ABR: variants seen among roughly 807,000 people sequenced by gnomAD.
The protein encoded by ABR is ABR activator of RhoGEF and GTPase.
ABR carries 35 observed loss-of-function variants against 107.2 expected under a neutral mutation model. The ratio of observed to expected loss-of-function variants is 0.33; its 90% CI spans 0.25 to 0.43. The LOEUF (loss-of-function observed/expected upper bound fraction) is 0.43. ABR is among the 20% of genes least tolerant of loss of function. ABR has a pLI of 1.00. For missense variants in ABR, 815 were observed against 1,115.2 expected (o/e 0.73, Z 3.83); for synonymous variants, 498 against 462.0 (o/e 1.08, Z -1.00).
intron 1 of ABR, among the ~76,000 whole-genome samples, chr17:1,138,721 C>G (rs2040178080): frequency 6.6e-6 from 1 of 152,030 alleles, no homozygotes. Context: ...TCAAAGAGTC[C>G]TCCACTTTGG....
intron 16 of ABR, among the ~76,000 whole-genome samples, chr17:1,042,324 A>G (rs2921134): frequency 0.9 from 135,777 of 150,204 alleles, 61,425 homozygotes; most frequent in East Asian, 1. Flanking sequence ...CTACATCCAC[A>G]AACGGATGAA....
chr17:1,076,714 C>CGGGGGGGGGG (rs376868048), intron 6 of ABR, among the ~76,000 whole-genome samples: 2 of 42,172 alleles, frequency 4.7e-5, no homozygotes, highest in Admixed American at 2.6e-4. Context: ...GGCAGGTGCA[C>CGGGGGGGGGG]GGGGGGGGTG....
chr17:1,028,552 G>T (rs565228085), intron 16 of ABR, among the ~76,000 whole-genome samples: 1 of 152,154 alleles, frequency 6.6e-6, no homozygotes, highest in Non-Finnish European at 1.5e-5. Flanking sequence ...TCTCCACCCC[G>T]CCCTTCCTCA....
chr17:1,182,612 C>G (rs1054652412), upstream of ABR, among the ~76,000 whole-genome samples: 1 of 152,134 alleles, frequency 6.6e-6, no homozygotes, highest in African/African-American at 2.4e-5. Context: ...GTGATCCGCC[C>G]GCCTCGGCCT....
At position 1,194,859 on chromosome 17, in the gene ABR, G is replaced by T. The variant is rs186851154; in HGVS notation, c.838+33934C>A. ...GTAGAGACAGGGTTTCGCCATGTTG[G>T]CCAGACTGGTCTCGAACTCCTGACT... is the stretch of plus-strand genomic sequence containing the variant. On this transcript the variant is annotated intron_variant, in intron 1 of 22. Coordinates refer to the ABR transcript ENST00000574139. 2.1e-4 allele frequency among the ~76,000 whole-genome samples: 26 copies of T among 124,616 alleles called. 5 individuals are homozygous for T. The East Asian group carries it at 9.3e-3, about 45-fold the overall frequency. 81.8% of individuals were successfully genotyped at this position (124,616 alleles called of 152,430 possible). A position where few individuals can be genotyped will look rare whatever the true frequency, so the allele number is the denominator to read the frequency against.
At chr17:1,060,373 G>A (rs965013049) in intron 10 of ABR, among the ~76,000 whole-genome samples, 2 of 152,084 alleles carry the variant, frequency 1.3e-5, no homozygotes, top group Non-Finnish European at 2.9e-5. Context: ...TCTCACCAGT[G>A]CACTCCAGCC....
chr17:1,059,772 G>A (rs2033721285), intron 10 of ABR, among the ~76,000 whole-genome samples: 1 of 152,224 alleles, frequency 6.6e-6, no homozygotes, highest in Non-Finnish European at 1.5e-5. Context: ...AAGCTCCTCA[G>A]TTAGAATTCA....
chr17:1,056,335 G>T (rs187278437), intron 13 of ABR, among the ~76,000 whole-genome samples: 3 of 152,130 alleles, frequency 2.0e-5, no homozygotes, highest in African/African-American at 7.2e-5. Flanking sequence ...AGCCTGGGGG[G>T]GTCCAGCACA....
intron 2 of ABR, among the ~76,000 whole-genome samples, chr17:1,113,277 GATTTTTTTTTTTT>G (rs2038807394): frequency 3.4e-5 from 3 of 88,210 alleles, no homozygotes; most frequent in East Asian, 3.3e-4. Flanking sequence ...CACCTATTGC[GATTTTTTTTTTTT>G]TTTTTTTTTT....
intron 16 of ABR, among the ~76,000 whole-genome samples, chr17:1,017,538 C>T (rs563644402): frequency 2.3e-4 from 33 of 143,274 alleles, no homozygotes; most frequent in African/African-American, 6.8e-4. Flanking sequence ...GGTGTGATCT[C>T]GGCTGACTGC....
intron 12 of ABR, 78 bp downstream of exon 12, chr17:1,057,892 C>G (rs2033517659): frequency 1.5e-6 from 2 of 1,329,540 alleles, no homozygotes; most frequent in Non-Finnish European, 2.2e-6. Flanking sequence ...TGATACTGGA[C>G]ATGAAACGCT....
At chr17:1,204,768 T>C (rs1012754791) in intron 1 of ABR, among the ~76,000 whole-genome samples, 2 of 152,312 alleles carry the variant, frequency 1.3e-5, no homozygotes, top group East Asian at 1.9e-4. Flanking sequence ...TGTTAGTATT[T>C]AGGTTTGTGT....
At chr17:1,073,473 G>C in intron 7 of ABR, 152 bp downstream of exon 7, 1 of 575,722 alleles carries the variant, frequency 1.7e-6, no homozygotes, top group South Asian at 6.1e-5. Flanking sequence ...TGGCGGCATG[G>C]ATACCGCGGG....
rs141256668 is a variant in ABR at position 1,098,266 on chromosome 17, C to T, written c.345+2371G>A. Among the ~76,000 whole-genome samples the T allele has an allele frequency of 4.7e-3, 708 of 151,918 alleles. 5 individuals carry two copies. Among genetic ancestry groups the T allele is most frequent in the African/African-American group, 0.016 (673 of 41,398 alleles). On this transcript the variant is annotated intron_variant, in intron 3 of 22. Coordinates refer to ENST00000302538, the MANE Select transcript of ABR (RefSeq NM_021962.5). ...TTTTTTTGTACTTTTTTAGTAGAGACGGGGTTTCACCGTGTTGGCCAAGGA... is the reference window on the plus strand; with the variant it reads ...TTTTTTTGTACTTTTTTAGTAGAGATGGGGTTTCACCGTGTTGGCCAAGGA...
At chr17:1,021,158 A>C (rs1281796790) in intron 16 of ABR, among the ~76,000 whole-genome samples, 1 of 152,146 alleles carries the variant, frequency 6.6e-6, no homozygotes, top group Non-Finnish European at 1.5e-5. Context: ...TGGGGGTCTC[A>C]GTGGAGGGGG....
intron 10 of ABR, among the ~76,000 whole-genome samples, chr17:1,066,540 T>TC (rs1447962463): frequency 2.0e-5 from 3 of 152,104 alleles, no homozygotes; most frequent in African/African-American, 7.2e-5. Flanking sequence ...ACTTTTTTTT[T>TC]TTGTTTTTGA....
chr17:1,102,278 G>A (rs534073832), intron 2 of ABR, among the ~76,000 whole-genome samples: 26 of 152,282 alleles, frequency 1.7e-4, no homozygotes, highest in Non-Finnish European at 2.9e-4. Flanking sequence ...CTGAGGCATC[G>A]TGGCCACAGA....
At chr17:1,182,083 C>G (rs1004962424), upstream of ABR, among the ~76,000 whole-genome samples, 1 of 152,190 alleles carries the variant, frequency 6.6e-6, no homozygotes, top group African/African-American at 2.4e-5. Flanking sequence ...AATCCTGGCA[C>G]TCTCGGACCC....
intron 1 of ABR, among the ~76,000 whole-genome samples, chr17:1,178,911 G>C (rs907431665): frequency 1.3e-5 from 2 of 151,968 alleles, no homozygotes; most frequent in African/African-American, 4.8e-5. Flanking sequence ...ACCATTACCC[G>C]TGATCAGTTA....
Sources: allele counts gnomAD v4.1 joint callset (sites outside exome capture counted in the v4.1 genomes callset), GRCh38; gene constraint gnomAD v4.1.1; transcripts MANE v1.5; gene names NCBI Gene and HGNC (gene_info 2026-07-23, HGNC 2026-07-21).